The following PTPRM variants were observed in gnomAD, a reference collection of about 807,000 sequenced individuals.
The protein encoded by PTPRM is receptor-type tyrosine-protein phosphatase mu.
Under a neutral mutation model 186.7 loss-of-function variants are expected in PTPRM, and 47 were observed. The observed-to-expected ratio is 0.25, with a 90% CI of 0.20 to 0.32. The LOEUF (loss-of-function observed/expected upper bound fraction) is 0.32. Among genes scored for constraint, PTPRM ranks in the 10% least tolerant of loss-of-function variants. PTPRM has a pLI of 1.00. For missense variants in PTPRM, 1,494 were observed against 1,865.0 expected, an observed-to-expected ratio of 0.80 and a Z score of 3.66; for synonymous variants, 668 against 674.9, an observed-to-expected ratio of 0.99 and a Z score of 0.16.
intron 2 of PTPRM, among the ~76,000 whole-genome samples, chr18:7,886,554 A>G (rs971695016): frequency 2.0e-5 from 3 of 152,196 alleles, no homozygotes; most frequent in African/African-American, 4.8e-5. Context: ...CTGCTGTGAA[A>G]GGGTATTTTT....
chr18:7,922,306 C>T (rs1180516280), intron 4 of PTPRM, among the ~76,000 whole-genome samples: 2 of 152,208 alleles, frequency 1.3e-5, no homozygotes, highest in African/African-American at 4.8e-5. Context: ...GGCCAAGTTA[C>T]AGAGAAAGTT....
intron 1 of PTPRM, among the ~76,000 whole-genome samples, chr18:7,576,561 G>A (rs2036692094): frequency 6.6e-6 from 1 of 151,954 alleles, no homozygotes; most frequent in Admixed American, 6.6e-5. Context: ...ATGTAGCTTC[G>A]ACTTCCTGGG....
chr18:7,850,387 A>G (rs1250815821), intron 2 of PTPRM, among the ~76,000 whole-genome samples: 1 of 152,216 alleles, frequency 6.6e-6, no homozygotes, highest in Non-Finnish European at 1.5e-5. Context: ...ATTTGAAAGT[A>G]TTGAGATCTA....
At chr18:8,247,648 C>T (rs549346327) in intron 15 of PTPRM, among the ~76,000 whole-genome samples, 197 bp from the exon 16 acceptor site, 5 of 152,192 alleles carry the variant, frequency 3.3e-5, no homozygotes, top group Non-Finnish European at 5.9e-5. Context: ...CTTTAAGTGA[C>T]GAAAGGTTGC....
chr18:7,845,359 C>CATGACG, intron 2 of PTPRM, among the ~76,000 whole-genome samples: 1 of 152,140 alleles, frequency 6.6e-6, no homozygotes, highest in South Asian at 2.1e-4. Context: ...TCATGAAAAC[C>CATGACG]TGACAAATGT....
rs1296037388 is a variant in PTPRM at position 7,896,917 on chromosome 18, C to T, written c.468+8540C>T. On this transcript the variant is annotated intron_variant, in intron 3 of 32. Coordinates refer to ENST00000580170, the MANE Select transcript of PTPRM (RefSeq NM_001105244.2). Reference sequence around the variant, plus strand: ...ACTTTATTCCCCTGCACAGCTAGCTCGGTGCCTGTTTCTTTGCTGTATTTG... The same window carrying T: ...ACTTTATTCCCCTGCACAGCTAGCTTGGTGCCTGTTTCTTTGCTGTATTTG... 5.3e-5 allele frequency among the ~76,000 whole-genome samples: 8 copies of T among 152,206 alleles called. No individual in the cohort carries two copies. The East Asian group carries it at 5.8e-4, about 11-fold the overall frequency.
chr18:7,753,493 C>T (rs1449162724), intron 1 of PTPRM, among the ~76,000 whole-genome samples: 2 of 152,164 alleles, frequency 1.3e-5, no homozygotes, highest in East Asian at 3.9e-4. Context: ...TTTCTCGAAG[C>T]CTTAGTTTGC....
chr18:7,928,245 G>A (rs756150480), intron 5 of PTPRM, among the ~76,000 whole-genome samples: 1 of 152,094 alleles, frequency 6.6e-6, no homozygotes, highest in Admixed American at 6.6e-5. Flanking sequence ...GACTTTGCTG[G>A]CCAGGAAGTG....
chr18:8,269,742 T>A, intron 19 of PTPRM, among the ~76,000 whole-genome samples: 1 of 151,880 alleles, frequency 6.6e-6, no homozygotes, highest in East Asian at 1.9e-4. Context: ...GCATATATGA[T>A]CAACTAATAT....
At chr18:7,671,337 A>G (rs923327824) in intron 1 of PTPRM, among the ~76,000 whole-genome samples, 13 of 152,182 alleles carry the variant, frequency 8.5e-5, no homozygotes, top group South Asian at 4.1e-4. Flanking sequence ...ATTTACTGCA[A>G]TTGCCTCCAT....
chr18:8,016,705 G>A (rs1466005290), intron 7 of PTPRM, among the ~76,000 whole-genome samples: 1 of 152,114 alleles, frequency 6.6e-6, no homozygotes, highest in Non-Finnish European at 1.5e-5. Context: ...GGACAAGAGA[G>A]TTGACAAGAG....
At chr18:8,185,661 A>G (rs921539113) in intron 14 of PTPRM, among the ~76,000 whole-genome samples, 3 of 152,206 alleles carry the variant, frequency 2.0e-5, no homozygotes, top group African/African-American at 7.2e-5. Flanking sequence ...TGTCTTGTTA[A>G]TAGATGTTTC....
rs899775813 is a variant in PTPRM at position 8,406,698 on chromosome 18, T to C, written c.*536T>C. The C allele has an allele frequency of 2.6e-5, 4 of 152,832 alleles. No individual in the cohort carries two copies. Among genetic ancestry groups the C allele is most frequent in the African/African-American group, 9.6e-5 (4 of 41,456 alleles). The allele number at this position is 152,832 out of a possible 1,614,324, so 9.5% of individuals were successfully genotyped here. A position where few individuals can be genotyped will look rare whatever the true frequency, so the allele number is the denominator to read the frequency against. ...GTATGAGTCGTCGTTTCTGTCAGAT[T>C]TGTATTGTTTCCAAGGGAAAAGCTT... On this transcript the variant is annotated 3_prime_UTR_variant, in exon 33 of 33. Coordinates refer to ENST00000580170, the MANE Select transcript of PTPRM (RefSeq NM_001105244.2).
At chr18:7,601,410 A>G (rs2037399696) in intron 1 of PTPRM, among the ~76,000 whole-genome samples, 1 of 152,158 alleles carries the variant, frequency 6.6e-6, no homozygotes, top group Non-Finnish European at 1.5e-5. Flanking sequence ...CAACCACAGA[A>G]ATTTCTTCTC....
At chr18:7,817,614 A>G (rs774619952) in intron 2 of PTPRM, among the ~76,000 whole-genome samples, 6 of 128,342 alleles carry the variant, frequency 4.7e-5, no homozygotes, top group Admixed American at 1.8e-4. Context: ...AGTGATTTCT[A>G]TGCTCTTTTT....
chr18:7,801,580 T>C (rs1367890666), intron 2 of PTPRM, among the ~76,000 whole-genome samples: 2 of 152,214 alleles, frequency 1.3e-5, no homozygotes. Context: ...AAGTATAGTA[T>C]AGCAAATTCA....
chr18:7,920,565 C>G (rs537298658), intron 4 of PTPRM, among the ~76,000 whole-genome samples: 3 of 152,256 alleles, frequency 2.0e-5, no homozygotes, highest in Admixed American at 1.3e-4. Flanking sequence ...TAACAGGTTA[C>G]CATACCTATT....
intron 7 of PTPRM, among the ~76,000 whole-genome samples, chr18:8,003,898 C>T (rs1185409691): frequency 2.0e-5 from 3 of 152,194 alleles, no homozygotes; most frequent in East Asian, 3.9e-4. Context: ...GATAAATATT[C>T]GCTTTCCTTT....
Position 8,384,558 on chromosome 18 carries a change from C to T in PTPRM, c.3919-3C>T. Reference sequence around the variant, plus strand: ...ACCTTGTGTTTATATGTTTTGAATTCAGTTGTGTCCACAGTACTGGCCAGA... The same window carrying T: ...ACCTTGTGTTTATATGTTTTGAATTTAGTTGTGTCCACAGTACTGGCCAGA... On this transcript the variant is annotated splice_region_variant and splice_polypyrimidine_tract_variant and intron_variant, in intron 29 of 32. Coordinates refer to ENST00000580170, the MANE Select transcript of PTPRM (RefSeq NM_001105244.2). 1 of 1,614,010 alleles carries T rather than the reference C, an allele frequency of 6.2e-7. No homozygotes were observed. Among genetic ancestry groups the T allele is most frequent in the Non-Finnish European group, 8.5e-7 (1 of 1,179,952 alleles).
Sources: gnomAD v4.1 joint callset for allele counts (sites outside exome capture counted in the v4.1 genomes callset) on GRCh38, gnomAD v4.1.1 for gene constraint, MANE v1.5 for transcripts, NCBI Gene and HGNC (gene_info 2026-07-23, HGNC 2026-07-21) for gene names.